Variants in FHIT observed in about 807,000 individuals in gnomAD.
FHIT encodes fragile histidine triad diadenosine triphosphatase.
Under a neutral mutation model 17.9 loss-of-function variants are expected in FHIT, and 19 were observed. That is an observed-to-expected ratio of 1.06 (90% CI 0.74 to 1.56). The LOEUF (loss-of-function observed/expected upper bound fraction) is 1.56. Ranked by LOEUF, FHIT falls within the 40% of genes most tolerant of loss-of-function variation. The pLI, the probability that FHIT is intolerant of heterozygous loss-of-function variation, is 0.00. For missense variants in FHIT, 248 were observed against 189.2 expected (o/e 1.31, Z -1.82); for synonymous variants, 81 against 69.7 (o/e 1.16, Z -0.81).
intron 2 of FHIT, among the ~76,000 whole-genome samples, chr3:61,102,964 C>A (rs2035879108): frequency 6.6e-6 from 1 of 151,968 alleles, no homozygotes; most frequent in Admixed American, 6.6e-5. Context: ...ATTAGTCTTG[C>A]TAGTGGTCTA....
intron 5 of FHIT, among the ~76,000 whole-genome samples, chr3:60,198,153 C>T (rs1410677621): frequency 1.3e-5 from 2 of 151,788 alleles, no homozygotes; most frequent in African/African-American, 4.8e-5. Flanking sequence ...AATTTCACTA[C>T]AGAGTAGAGT....
intron 4 of FHIT, among the ~76,000 whole-genome samples, chr3:60,708,744 G>T (rs1450878295): frequency 6.6e-6 from 1 of 152,174 alleles, no homozygotes; most frequent in Non-Finnish European, 1.5e-5. Context: ...AAGACTCATT[G>T]TTGGCAAGGG....
chr3:60,683,828 A>T (rs1024182074), intron 4 of FHIT, among the ~76,000 whole-genome samples: 13 of 152,178 alleles, frequency 8.5e-5, no homozygotes, highest in Non-Finnish European at 5.9e-5. Context: ...GTAATGGCAA[A>T]CTGTCTCAAG....
intron 2 of FHIT, among the ~76,000 whole-genome samples, chr3:61,049,297 CAATT>C (rs1305878737): frequency 1.3e-5 from 2 of 151,240 alleles, no homozygotes; most frequent in Admixed American, 6.6e-5. Context: ...ATATGATAAA[CAATT>C]AATTTCCTGC....
At chr3:60,547,348 T>C (rs1332008709) in intron 4 of FHIT, among the ~76,000 whole-genome samples, 1 of 152,104 alleles carries the variant, frequency 6.6e-6, no homozygotes, top group Non-Finnish European at 1.5e-5. Context: ...CTTAGACTTG[T>C]AGTGAGCATT....
intron 5 of FHIT, among the ~76,000 whole-genome samples, chr3:60,126,494 C>A (rs952761764): frequency 3.3e-5 from 5 of 152,194 alleles, no homozygotes; most frequent in Non-Finnish European, 7.3e-5. Flanking sequence ...TAACAAACAG[C>A]TACCGTTTAT....
intron 5 of FHIT, among the ~76,000 whole-genome samples, chr3:60,192,814 G>GT: frequency 6.6e-6 from 1 of 152,236 alleles, no homozygotes; most frequent in African/African-American, 2.4e-5. Context: ...CTCATGTTTG[G>GT]TTTTGACTTT....
At chr3:60,748,539 C>T (rs115799574) in intron 4 of FHIT, among the ~76,000 whole-genome samples, 7,533 of 152,142 alleles carry the variant, frequency 0.05, 601 homozygotes, top group African/African-American at 0.17. Flanking sequence ...AGGCCAAGTG[C>T]GGTGGCTCAC....
chr3:59,820,765 G>A (rs895313181), intron 8 of FHIT, among the ~76,000 whole-genome samples: 1 of 152,162 alleles, frequency 6.6e-6, no homozygotes, highest in African/African-American at 2.4e-5. Context: ...GGGGAAGGAA[G>A]ACAATTTAGA....
chr3:59,764,268 C>A (rs970494063), intron 8 of FHIT, among the ~76,000 whole-genome samples: 1 of 152,114 alleles, frequency 6.6e-6, no homozygotes, highest in Non-Finnish European at 1.5e-5. Context: ...GAATGCATAC[C>A]ATATGTTTGG....
intron 5 of FHIT, among the ~76,000 whole-genome samples, chr3:60,065,443 C>A (rs1702460454): frequency 6.6e-6 from 1 of 152,032 alleles, no homozygotes; most frequent in African/African-American, 2.4e-5. Context: ...TAAGATCATG[C>A]ACATTAAGTA....
intron 2 of FHIT, among the ~76,000 whole-genome samples, chr3:61,194,675 T>A: frequency 6.6e-6 from 1 of 152,196 alleles, no homozygotes; most frequent in East Asian, 1.9e-4. Context: ...ATAAAAGAAT[T>A]GCCTTATATG....
intron 9 of FHIT, chr3:59,750,538 G>C (rs1014727208): frequency 3.1e-5 from 7 of 225,362 alleles, no homozygotes; most frequent in African/African-American, 1.1e-4. Context: ...CAGTGGAAAA[G>C]GTTCAAAATA....
At chr3:60,153,426 C>T (rs942103669) in intron 5 of FHIT, among the ~76,000 whole-genome samples, 2 of 150,956 alleles carry the variant, frequency 1.3e-5, no homozygotes, top group Non-Finnish European at 2.9e-5. Context: ...CTCAGCTGAG[C>T]CCACCTGTTT....
intron 2 of FHIT, among the ~76,000 whole-genome samples, chr3:61,060,698 T>C (rs1429366560): frequency 6.6e-6 from 1 of 152,250 alleles, no homozygotes; most frequent in Non-Finnish European, 1.5e-5. Flanking sequence ...TTGCTTGATG[T>C]TTGGCCTTCA....
intron 3 of FHIT, among the ~76,000 whole-genome samples, chr3:61,034,188 A>T (rs1478418166): frequency 6.6e-6 from 1 of 152,118 alleles, no homozygotes; most frequent in Non-Finnish European, 1.5e-5. Context: ...GGGTAAAATC[A>T]TTACCCTCAC....
intron 3 of FHIT, among the ~76,000 whole-genome samples, chr3:60,867,385 A>T (rs1553754085): frequency 6.6e-6 from 1 of 152,220 alleles, no homozygotes; most frequent in Non-Finnish European, 1.5e-5. Context: ...AGACATTTAC[A>T]TATCAAAGAC....
intron 5 of FHIT, among the ~76,000 whole-genome samples, chr3:60,439,342 G>A (rs182548558): frequency 1.3e-5 from 2 of 152,088 alleles, no homozygotes; most frequent in African/African-American, 4.8e-5. Context: ...AACATTTGTT[G>A]CTCTAGCCAA....
At chr3:60,843,784 T>A (rs1553745723) in intron 3 of FHIT, among the ~76,000 whole-genome samples, 1 of 152,196 alleles carries the variant, frequency 6.6e-6, no homozygotes, top group African/African-American at 2.4e-5. Context: ...CACACCATGA[T>A]AAGCAGGAGA....
Sources: allele counts gnomAD v4.1 joint callset (sites outside exome capture counted in the v4.1 genomes callset), GRCh38; gene constraint gnomAD v4.1.1; transcripts MANE v1.5; gene names NCBI Gene and HGNC (gene_info 2026-07-23, HGNC 2026-07-21).